The following TULP4 variants were observed in gnomAD, a reference collection of about 807,000 sequenced individuals.
The protein encoded by TULP4 is TUB like protein 4, also known as tubby-related protein 4.
TULP4 carries 16 observed loss-of-function variants against 129.0 expected under a neutral mutation model. The observed-to-expected ratio is 0.12, with a 90% CI of 0.08 to 0.19. The LOEUF (loss-of-function observed/expected upper bound fraction) is 0.19. TULP4 is among the 10% of genes least tolerant of loss of function. The pLI, the probability that TULP4 is intolerant of heterozygous loss-of-function variation, is 1.00. For missense variants in TULP4, 1,842 were observed against 2,059.1 expected, an observed-to-expected ratio of 0.89 and a Z score of 2.04; for synonymous variants, 998 against 854.0, an observed-to-expected ratio of 1.17 and a Z score of -2.94.
rs972476634 is a variant in TULP4 at position 158,446,548 on chromosome 6, T to A, written c.544-2448T>A. 3.0e-4 allele frequency among the ~76,000 whole-genome samples: 46 copies of A among 152,200 alleles called. 1 individual carries two copies. ...AAAAGACCTTTCAATGCAGAGTCAT[T>A]TCCTCCCTTTTGCAAATACTCCTGT... On this transcript the variant is annotated intron_variant, in intron 3 of 13. Transcript: ENST00000367097.
chr6:158,415,630 G>T (rs1279308535), intron 2 of TULP4, among the ~76,000 whole-genome samples: 1 of 150,282 alleles, frequency 6.7e-6, no homozygotes, highest in Non-Finnish European at 1.5e-5. Flanking sequence ...AAAGTGCTGG[G>T]ATTACAGGCA....
chr6:158,347,761 G>A (rs1780345378), intron 1 of TULP4, among the ~76,000 whole-genome samples: 1 of 152,300 alleles, frequency 6.6e-6, no homozygotes, highest in South Asian at 2.1e-4. Context: ...TGTGTTTAAG[G>A]TGACTTCCTC....
chr6:158,241,655 C>A (rs910694087), intron 1 of TULP4, among the ~76,000 whole-genome samples: 1 of 152,066 alleles, frequency 6.6e-6, no homozygotes, highest in Non-Finnish European at 1.5e-5. Context: ...AGTGCAGTGG[C>A]GTGACCTTGG....
At chr6:158,267,072 T>C (rs1243765061) in intron 1 of TULP4, among the ~76,000 whole-genome samples, 1 of 152,254 alleles carries the variant, frequency 6.6e-6, no homozygotes, top group Non-Finnish European at 1.5e-5. Context: ...TTTGTCTTTT[T>C]ATATCTGGCT....
chr6:158,247,305 A>G (rs1346957926), intron 1 of TULP4, among the ~76,000 whole-genome samples: 1 of 152,192 alleles, frequency 6.6e-6, no homozygotes, highest in African/African-American at 2.4e-5. Context: ...TAAGTCAATC[A>G]TGGTTTATGA....
chr6:158,438,579 G>A (rs1202801954), intron 3 of TULP4, among the ~76,000 whole-genome samples: 1 of 139,632 alleles, frequency 7.2e-6, no homozygotes, highest in Non-Finnish European at 1.7e-5. Context: ...TTGTTTGTTT[G>A]TTTGTTTGTT....
At chr6:158,242,624 G>T in intron 1 of TULP4, 1 of 700,786 alleles carries the variant, frequency 1.4e-6, no homozygotes, top group Non-Finnish European at 2.7e-6. Context: ...AAGTATTGAT[G>T]ACATTCAAGG....
chr6:158,280,305 T>A (rs930660011), upstream of TULP4, among the ~76,000 whole-genome samples: 10 of 152,342 alleles, frequency 6.6e-5, no homozygotes, highest in South Asian at 2.1e-4. Flanking sequence ...TTATCTTTTT[T>A]TAATTGCCTT....
chr6:158,453,506 A>AAAAAAAAAC (rs1779213422), intron 5 of TULP4, among the ~76,000 whole-genome samples: 1 of 140,024 alleles, frequency 7.1e-6, no homozygotes, highest in African/African-American at 2.8e-5. Context: ...AAAAAAAAAA[A>AAAAAAAAAC]AAAGCCGGGC....
intron 1 of TULP4, chr6:158,237,420 T>C (rs1421339005): frequency 3.7e-6 from 6 of 1,600,210 alleles, no homozygotes; most frequent in Admixed American, 1.7e-5. Context: ...TCTGGTGTCT[T>C]GGGGGTATGA....
At position 158,455,736 on chromosome 6, in the gene TULP4, C is replaced by CAA. The variant is rs71030174; in HGVS notation, c.859+3483_859+3484dup. On this transcript the variant is annotated intron_variant, in intron 5 of 13. Transcript: ENST00000367097. ...TGGGTAACAGAGCAAGACTCCGTCT[C>CAA]AAAAAAAAAAAAAAAATTATTTGCA... Among the ~76,000 whole-genome samples the CAA allele has an allele frequency of 5.7e-3, 807 of 141,330 alleles. 7 individuals are homozygous for CAA. Among genetic ancestry groups the CAA allele is most frequent in the Middle Eastern group, 0.049 (13 of 268 alleles). 92.7% of individuals were successfully genotyped at this position (141,330 alleles called of 152,430 possible). A position where few individuals can be genotyped will look rare whatever the true frequency, so the allele number is the denominator to read the frequency against.
chr6:158,499,285 G>C (rs1291544024), intron 12 of TULP4, among the ~76,000 whole-genome samples: 1 of 152,144 alleles, frequency 6.6e-6, no homozygotes, highest in African/African-American at 2.4e-5. Flanking sequence ...AATCTGCCGT[G>C]TCCAGGACGC....
At chr6:158,271,497 A>G (rs909161322) in intron 1 of TULP4, among the ~76,000 whole-genome samples, 3 of 150,426 alleles carry the variant, frequency 2.0e-5, no homozygotes, top group Non-Finnish European at 2.9e-5. Flanking sequence ...GCAGTGTGCC[A>G]TCATAACTTG....
At chr6:158,321,532 C>T (rs188144179) in intron 1 of TULP4, among the ~76,000 whole-genome samples, 3 of 152,218 alleles carry the variant, frequency 2.0e-5, no homozygotes, top group South Asian at 4.2e-4. Context: ...GAACTCATTT[C>T]CCCCCGCCCC....
At position 158,423,132 on chromosome 6, in the gene TULP4, GGGGA is replaced by G. The variant is rs899712666; in HGVS notation, c.382-6603_382-6600del. The stretch of plus-strand genomic sequence containing the variant: ...TCCTCCACAAAAAAGAGGGGGGGGG[GGGGA>G]AAGAAACCTTCCCAGGACCCCTTTT... On this transcript the variant is annotated intron_variant, in intron 2 of 13. Coordinates refer to ENST00000367097, the MANE Select transcript of TULP4 (RefSeq NM_020245.5). Among the ~76,000 whole-genome samples, 33 of 151,060 alleles carry G rather than the reference GGGGA, an allele frequency of 2.2e-4. 1 individual carries two copies. Among genetic ancestry groups the G allele is most frequent in the Admixed American group, 4.6e-4 (7 of 15,214 alleles).
At chr6:158,368,581 G>A (rs1260802866) in intron 1 of TULP4, among the ~76,000 whole-genome samples, 6 of 152,294 alleles carry the variant, frequency 3.9e-5, no homozygotes, top group Non-Finnish European at 7.3e-5. Flanking sequence ...AACTCAGTTG[G>A]TTAAACCCCT....
intron 7 of TULP4, 101 bp downstream of exon 7, chr6:158,480,076 G>C: frequency 1.1e-6 from 1 of 902,688 alleles, no homozygotes. Context: ...GAGCACATGG[G>C]GCCATGTGCA....
intron 1 of TULP4, among the ~76,000 whole-genome samples, chr6:158,271,788 A>G (rs1562501245): frequency 6.6e-6 from 1 of 152,180 alleles, no homozygotes; most frequent in Non-Finnish European, 1.5e-5. Flanking sequence ...CTCCTAAAGA[A>G]AAATAAAATG....
In TULP4 at chr6:158,510,681, A is replaced by T. The variant is rs1780718624; in HGVS notation, c.*3987A>T. ...GTGTTTGTTCTCATAGAATATACAA[A>T]AGTACTGATTCTAGGTAAGAAGGAG... On this transcript the variant is annotated 3_prime_UTR_variant, in exon 14 of 14. Coordinates refer to ENST00000367097, the MANE Select transcript of TULP4 (RefSeq NM_020245.5). The T allele has an allele frequency of 6.6e-6, 1 of 152,220 alleles. No homozygotes were observed. The highest frequency in any genetic ancestry group is 1.5e-5 in the Non-Finnish European group (1 of 68,040). The allele number at this position is 152,220 out of a possible 1,614,324, so 9.4% of individuals were successfully genotyped here. A position where few individuals can be genotyped will look rare whatever the true frequency, so the allele number is the denominator to read the frequency against.
Sources: gnomAD v4.1 joint callset for allele counts (sites outside exome capture counted in the v4.1 genomes callset) on GRCh38, gnomAD v4.1.1 for gene constraint, MANE v1.5 for transcripts, NCBI Gene and HGNC (gene_info 2026-07-23, HGNC 2026-07-21) for gene names.